Variants in VPS13D observed in about 807,000 individuals in gnomAD.
VPS13D encodes vacuolar protein sorting 13 homolog D, also known as intermembrane lipid transfer protein VPS13D.
In VPS13D, 187 loss-of-function variants were observed where a neutral mutation model predicts 461.9. The observed-to-expected ratio is 0.40, with a 90% CI of 0.36 to 0.46. VPS13D has a LOEUF of 0.46. Ranked by LOEUF, VPS13D falls within the 20% of genes least tolerant of loss-of-function variation. The pLI is 0.60. For synonymous variants in VPS13D, 1,951 were observed against 1,986.3 expected (o/e 0.98, Z 0.47); for missense variants, 4,711 against 5,364.9 (o/e 0.88, Z 3.81).
At chr1:12,234,443 T>C in intron 2 of VPS13D, 80 bp downstream of exon 2, 2 of 1,145,502 alleles carry the variant, frequency 1.7e-6, no homozygotes, top group Non-Finnish European at 2.6e-6. Context: ...CTGAGAATCA[T>C]AAAACCTAAT....
At chr1:12,476,518 C>T (rs1357025262) in intron 67 of VPS13D, among the ~76,000 whole-genome samples, 2 of 152,194 alleles carry the variant, frequency 1.3e-5, no homozygotes, top group South Asian at 2.1e-4. Context: ...AGTGCAAGTG[C>T]TTTGTAGATT....
chr1:12,406,998 G>GT (rs1644665484), intron 63 of VPS13D, among the ~76,000 whole-genome samples: 1 of 152,148 alleles, frequency 6.6e-6, no homozygotes, highest in Non-Finnish European at 1.5e-5. Context: ...GCCTAAAACT[G>GT]TCTTCTCAAA....
At chr1:12,324,232 G>A (rs568728126) in intron 35 of VPS13D, among the ~76,000 whole-genome samples, 1 of 152,320 alleles carries the variant, frequency 6.6e-6, no homozygotes, top group South Asian at 2.1e-4. Context: ...CTGAGGCCAG[G>A]TGCGGTGGCT....
chr1:12,264,803 A>G (rs1182297367), intron 13 of VPS13D, among the ~76,000 whole-genome samples: 2 of 152,232 alleles, frequency 1.3e-5, no homozygotes, highest in African/African-American at 2.4e-5. Flanking sequence ...ATGCTAAATG[A>G]TAGATTTTCA....
At chr1:12,442,469 A>T (rs1487108695) in intron 65 of VPS13D, among the ~76,000 whole-genome samples, 4 of 152,096 alleles carry the variant, frequency 2.6e-5, no homozygotes, top group African/African-American at 9.7e-5. Flanking sequence ...TCAACAGAAG[A>T]GTTTCAAGTT....
At chr1:12,344,669 A>G (rs1643638410) in intron 42 of VPS13D, among the ~76,000 whole-genome samples, 2 of 152,044 alleles carry the variant, frequency 1.3e-5, no homozygotes, top group African/African-American at 2.4e-5. Context: ...TTCAAAATAA[A>G]TGCCTTTTCT....
At chr1:12,317,472 T>G (rs1350263384) in intron 30 of VPS13D, among the ~76,000 whole-genome samples, 1 of 151,914 alleles carries the variant, frequency 6.6e-6, no homozygotes, top group Non-Finnish European at 1.5e-5. Context: ...AATTCCTTAT[T>G]ATGGGGCTGT....
At position 12,502,674 on chromosome 1, in the gene VPS13D, G is replaced by A. The variant is rs1389031858; in HGVS notation, c.12795-4179G>A. Among the ~76,000 whole-genome samples the A allele has an allele frequency of 2.6e-5, 4 of 151,452 alleles. No homozygotes were observed. ...AAAAAAAGAGCAGGAGGAAAATTAA[G>A]TAGAGTGGCTGAAACAGTTACTTGG... On this transcript the variant is annotated intron_variant, in intron 68 of 69. Coordinates refer to ENST00000620676, the MANE Select transcript of VPS13D (RefSeq NM_015378.4). This position sits in a 1 kb window ranked among gnomAD's most constrained non-coding sequence, Gnocchi z 4.3.
chr1:12,300,889 C>T (rs1014600512), intron 25 of VPS13D, among the ~76,000 whole-genome samples: 1 of 152,132 alleles, frequency 6.6e-6, no homozygotes, highest in Non-Finnish European at 1.5e-5. Flanking sequence ...TTGCTGGTTT[C>T]CACAGCAGCT....
chr1:12,230,470 T>C (rs990030218), intron 1 of VPS13D, among the ~76,000 whole-genome samples: 1 of 151,958 alleles, frequency 6.6e-6, no homozygotes, highest in African/African-American at 2.4e-5. Context: ...CGGCACACTT[T>C]CCGGGGTCCC....
In VPS13D at chr1:12,298,022, A is replaced by G. The variant is rs1354908088; in HGVS notation, c.6034-1180A>G. Among the ~76,000 whole-genome samples, 19 of 152,230 alleles carry G rather than the reference A, an allele frequency of 1.2e-4. 1 individual carries two copies. Among genetic ancestry groups the G allele is most frequent in the Admixed American group, 1.0e-3 (16 of 15,284 alleles). On this transcript the variant is annotated intron_variant, in intron 24 of 69. Transcript: ENST00000620676. ...AGGATGCCTGTATATATATAAATAC[A>G]TAGCTGTGTGTACAGGAAAAAAAGA...
At chr1:12,268,029 T>A in intron 15 of VPS13D, 109 bp downstream of exon 15, 16 of 870,330 alleles carry the variant, frequency 1.8e-5, no homozygotes, top group Non-Finnish European at 2.6e-5. Context: ...TGGTGTGATC[T>A]TGGCTCACTG....
rs1349853183 is a variant in VPS13D, at chr1:12,318,283, T to G, written c.7360T>G (p.Ser2454Ala). 6.2e-7 allele frequency: 1 copy of G among 1,613,880 alleles called. No individual in the cohort carries two copies. Among genetic ancestry groups the G allele is most frequent in the South Asian group, 1.1e-5 (1 of 91,072 alleles). The change falls in exon 31 of 70, where the codon TCT becomes GCT. Residue 2454 changes from serine (S) to alanine (A), a missense_variant. By Grantham distance (99) the Ser-to-Ala change is moderately conservative. Coordinates refer to ENST00000620676, the MANE Select transcript of VPS13D (RefSeq NM_015378.4). ...GAAGAGTGGAGTAGTTACCAAGCGGTCTTCCCTTCCTGTGTCCAATGAAAG... is the reference window on the plus strand; with the variant it reads ...GAAGAGTGGAGTAGTTACCAAGCGGGCTTCCCTTCCTGTGTCCAATGAAAG... ...TVKSGVVTKRSSLPVSNERHL... is the reference protein window; with the variant it reads ...TVKSGVVTKRASLPVSNERHL...
At chr1:12,350,299 A>G (rs1643766342) in intron 46 of VPS13D, among the ~76,000 whole-genome samples, 1 of 152,204 alleles carries the variant, frequency 6.6e-6, no homozygotes, top group Admixed American at 6.5e-5. Flanking sequence ...ATCAATAAAT[A>G]TTAAAGAACT....
intron 29 of VPS13D, among the ~76,000 whole-genome samples, chr1:12,312,418 G>A (rs1298269911): frequency 6.6e-6 from 1 of 152,192 alleles, no homozygotes; most frequent in Non-Finnish European, 1.5e-5. Flanking sequence ...GGTGGGAGAT[G>A]CAGAACCACT....
At chr1:12,418,922 T>G (rs1360888815) in intron 65 of VPS13D, among the ~76,000 whole-genome samples, 3 of 152,316 alleles carry the variant, frequency 2.0e-5, no homozygotes, top group African/African-American at 7.2e-5. Flanking sequence ...CTGTGACATC[T>G]CAACAGGAGA....
At chr1:12,264,870 T>G (rs989007184) in intron 13 of VPS13D, among the ~76,000 whole-genome samples, 3 of 152,214 alleles carry the variant, frequency 2.0e-5, no homozygotes, top group African/African-American at 7.2e-5. Flanking sequence ...TTTTCATAGC[T>G]AGAGAGGAGA....
chr1:12,446,515 A>G (rs1376085949), intron 65 of VPS13D, among the ~76,000 whole-genome samples: 2 of 151,738 alleles, frequency 1.3e-5, no homozygotes, highest in East Asian at 3.9e-4. Flanking sequence ...CCCTAGGAGC[A>G]TGGTTGGTTT....
intron 65 of VPS13D, among the ~76,000 whole-genome samples, chr1:12,441,656 G>A (rs377215956): frequency 2.1e-4 from 32 of 152,166 alleles, no homozygotes; most frequent in African/African-American, 7.5e-4. Context: ...ATGTTGGCAC[G>A]ACTCCATAAT....
Sources: gnomAD v4.1 joint callset for allele counts (sites outside exome capture counted in the v4.1 genomes callset) on GRCh38, gnomAD v4.1.1 for gene constraint, Gnocchi (gnomAD v3.1) non-coding constraint, MANE v1.5 for transcripts, NCBI Gene and HGNC (gene_info 2026-07-23, HGNC 2026-07-21) for gene names.